TOR1AIP1: variants seen among roughly 807,000 people sequenced by gnomAD.
TOR1AIP1 encodes the protein torsin 1A interacting protein 1.
Under a neutral mutation model 63.3 loss-of-function variants are expected in TOR1AIP1, and 54 were observed. That is an observed-to-expected ratio of 0.85 (90% confidence interval 0.69 to 1.07). The LOEUF is 1.07. TOR1AIP1 is among the 50% of genes least tolerant of loss of function. The pLI, the probability that TOR1AIP1 is intolerant of heterozygous loss-of-function variation, is 0.00. For missense variants in TOR1AIP1, 736 were observed against 715.0 expected (o/e 1.03, Z -0.33); for synonymous variants, 294 against 273.5 (o/e 1.07, Z -0.74).
intron 3 of TOR1AIP1, among the ~76,000 whole-genome samples, chr1:179,899,659 G>A (rs544011722): frequency 3.3e-5 from 5 of 152,148 alleles, no homozygotes; most frequent in African/African-American, 1.2e-4. Flanking sequence ...TCCTTTTTCT[G>A]TTTGAGACAG....
In TOR1AIP1 at chr1:179,917,705, G is replaced by A. The variant is rs1649063524; in HGVS notation, c.1218G>A (p.Gln406=). The A allele has an allele frequency of 6.2e-7, 1 of 1,614,230 alleles. No homozygotes were observed. Among genetic ancestry groups the A allele is most frequent in the Non-Finnish European group, 8.5e-7 (1 of 1,180,052 alleles). Reference sequence around the variant, plus strand: ...TTAATAGCTCCCATCCTCGGTCTCAGCCTGCTATCTTACTGCTCACTGCTG... The same window carrying A: ...TTAATAGCTCCCATCCTCGGTCTCAACCTGCTATCTTACTGCTCACTGCTG... ...KHLNSSHPRS[Q]PAILLLTAAR... Residue 406 remains glutamine (Q), a synonymous_variant, in exon 10 of 10, where the codon CAG becomes CAA. Transcript: ENST00000606911.
At chr1:179,895,528 A>G (rs759314199) in intron 3 of TOR1AIP1, among the ~76,000 whole-genome samples, 1 of 152,198 alleles carries the variant, frequency 6.6e-6, no homozygotes, top group Admixed American at 6.5e-5. Context: ...GGATCACTTG[A>G]ACCCAAGACA....
intron 3 of TOR1AIP1, among the ~76,000 whole-genome samples, chr1:179,896,379 G>A (rs1648267520): frequency 1.3e-5 from 2 of 152,002 alleles, no homozygotes; most frequent in African/African-American, 4.8e-5. Context: ...AAAGTGCTGG[G>A]ATTACAAGGC....
At position 179,892,127 on chromosome 1, in the gene TOR1AIP1, T is replaced by C. The variant is rs538987237; in HGVS notation, c.610+2758T>C. On this transcript the variant is annotated intron_variant, in intron 3 of 9. Coordinates refer to ENST00000606911, the MANE Select transcript of TOR1AIP1 (RefSeq NM_015602.4). Reference sequence around the variant, plus strand: ...TTTTTCTTTATAAATCATTGTACCTTCCTCTAATTCATCTTTCACTTAAGT... The same window carrying C: ...TTTTTCTTTATAAATCATTGTACCTCCCTCTAATTCATCTTTCACTTAAGT... Among the ~76,000 whole-genome samples the C allele has an allele frequency of 3.3e-5, 5 of 152,346 alleles. No individual in the cohort carries two copies. The South Asian group carries it at 6.2e-4, about 19-fold the overall frequency.
chr1:179,885,943 G>A (rs551855554), intron 2 of TOR1AIP1, among the ~76,000 whole-genome samples: 8 of 152,220 alleles, frequency 5.3e-5, no homozygotes, highest in African/African-American at 1.9e-4. Flanking sequence ...TTTTCACCAT[G>A]TTGGCCAAGC....
intron 4 of TOR1AIP1, among the ~76,000 whole-genome samples, chr1:179,900,963 T>TAA (rs1406769066): frequency 6.6e-6 from 1 of 152,152 alleles, no homozygotes; most frequent in Non-Finnish European, 1.5e-5. Flanking sequence ...AACTACACAC[T>TAA]AATTATATGT....
intron 5 of TOR1AIP1, among the ~76,000 whole-genome samples, 196 bp from the exon 6 acceptor site, chr1:179,903,770 A>G (rs377486758): frequency 2.0e-5 from 3 of 152,290 alleles, no homozygotes; most frequent in East Asian, 1.9e-4. Flanking sequence ...CAGCCTCCCA[A>G]TGTGCTGGGA....
rs1647982894 is a variant in TOR1AIP1, at chr1:179,888,963, A to T, written c.554-350A>T. Among the ~76,000 whole-genome samples the T allele has an allele frequency of 2.0e-5, 3 of 152,324 alleles. No individual in the cohort carries two copies. In the South Asian group the frequency reaches 6.2e-4, roughly 32 times the overall value. ...TAATCCACAATGAGGGTCAGTCACAAATGGAATAGATAATTGAGTTGGTAC... is the reference window on the plus strand; with the variant it reads ...TAATCCACAATGAGGGTCAGTCACATATGGAATAGATAATTGAGTTGGTAC... On this transcript the variant is annotated intron_variant, in intron 2 of 9. Coordinates refer to ENST00000606911, the MANE Select transcript of TOR1AIP1 (RefSeq NM_015602.4).
intron 1 of TOR1AIP1, chr1:179,883,618 G>A (rs1396762626): frequency 1.1e-5 from 5 of 456,136 alleles, no homozygotes; most frequent in Non-Finnish European, 2.2e-5. Context: ...CTCCAGTGTG[G>A]TGGTCCCTGC....
intron 3 of TOR1AIP1, among the ~76,000 whole-genome samples, chr1:179,896,333 AG>A (rs1348376955): frequency 6.6e-6 from 1 of 152,030 alleles, no homozygotes; most frequent in Admixed American, 6.6e-5. Context: ...GCTGGAGTGC[AG>A]GAGCGTGATC....
chr1:179,910,015 C>A (rs575726747), intron 8 of TOR1AIP1, among the ~76,000 whole-genome samples: 2 of 152,312 alleles, frequency 1.3e-5, no homozygotes, highest in Non-Finnish European at 2.9e-5. Context: ...CCGCCTGCTT[C>A]AGCCTCCCAA....
At chr1:179,889,778 C>T (rs932137234) in intron 3 of TOR1AIP1, among the ~76,000 whole-genome samples, 1 of 152,014 alleles carries the variant, frequency 6.6e-6, no homozygotes, top group Non-Finnish European at 1.5e-5. Flanking sequence ...CCTTAGCCTG[C>T]CAAGTAGCTG....
Position 179,882,453 on chromosome 1 carries a change from T to A in TOR1AIP1, c.-50T>A. 1 of 1,379,458 alleles carries A rather than the reference T, an allele frequency of 7.2e-7. No homozygotes were observed. Among genetic ancestry groups the A allele is most frequent in the Admixed American group, 3.5e-5 (1 of 28,440 alleles). 85.5% of individuals were successfully genotyped at this position (1,379,458 alleles called of 1,614,324 possible). A position where few individuals can be genotyped will look rare whatever the true frequency, so the allele number is the denominator to read the frequency against. ...CATCGCCACCACCGGCAGGAGAACC[T>A]AGGGTCCATAAAGCCATCTTCGCGA... On this transcript the variant is annotated 5_prime_UTR_variant, in exon 1 of 10. Transcript: ENST00000606911.
chr1:179,904,419 GAATA>G (rs1471565519), intron 6 of TOR1AIP1, among the ~76,000 whole-genome samples: 2 of 152,230 alleles, frequency 1.3e-5, no homozygotes, highest in African/African-American at 2.4e-5. Context: ...TTGGAAGGAT[GAATA>G]AATAAGTGAT....
chr1:179,914,913 A>C (rs1214300594), intron 9 of TOR1AIP1, among the ~76,000 whole-genome samples: 1 of 152,166 alleles, frequency 6.6e-6, no homozygotes, highest in East Asian at 1.9e-4. Flanking sequence ...AATATGGGTT[A>C]TGTCTATCCA....
intron 3 of TOR1AIP1, among the ~76,000 whole-genome samples, chr1:179,893,786 T>C (rs1648180576): frequency 6.6e-6 from 1 of 152,178 alleles, no homozygotes; most frequent in Admixed American, 6.5e-5. Context: ...AAGCTACCGC[T>C]TCTGGGTGAA....
In TOR1AIP1 at chr1:179,919,641, C is replaced by T. The variant is rs565936374; in HGVS notation, c.*1402C>T. 6.6e-6 allele frequency: 1 copy of T among 152,274 alleles called. No homozygotes were observed. The highest frequency in any genetic ancestry group is 2.1e-4 in the South Asian group (1 of 4,824). The allele number at this position is 152,274 out of a possible 1,614,324, so 9.4% of individuals were successfully genotyped here. On this transcript the variant is annotated 3_prime_UTR_variant, in exon 10 of 10. Transcript: ENST00000606911. ...ATGGTTTTCTTAAAATGTTACAATT[C>T]TAGATCTATCCACCTTGTTTTTTTA... is the stretch of plus-strand genomic sequence containing the variant.
chr1:179,912,052 T>C (rs1481933424), intron 8 of TOR1AIP1, among the ~76,000 whole-genome samples: 1 of 150,552 alleles, frequency 6.6e-6, no homozygotes, highest in African/African-American at 2.4e-5. Context: ...TTTGAAACGG[T>C]CTTGCTCTGT....
intron 5 of TOR1AIP1, among the ~76,000 whole-genome samples, chr1:179,902,019 C>CTTTTTTT (rs767712125): frequency 3.0e-5 from 3 of 98,790 alleles, no homozygotes; most frequent in Non-Finnish European, 6.0e-5. Flanking sequence ...AATTCCAATT[C>CTTTTTTT]TTTTTTTTTT....
Sources: allele counts gnomAD v4.1 joint callset (sites outside exome capture counted in the v4.1 genomes callset), GRCh38; gene constraint gnomAD v4.1.1; transcripts MANE v1.5; gene names NCBI Gene and HGNC (gene_info 2026-07-23, HGNC 2026-07-21).